Variants in TUT4 observed in about 807,000 individuals in gnomAD.
TUT4 encodes the protein terminal uridylyl transferase 4, also known as terminal uridylyltransferase 4.
A neutral mutation model predicts 192.2 loss-of-function variants in TUT4; 36 were observed. That is an observed-to-expected ratio of 0.19 (90% CI 0.14 to 0.25). The LOEUF (loss-of-function observed/expected upper bound fraction) is 0.25. Among genes scored for constraint, TUT4 ranks in the 10% least tolerant of loss-of-function variants. TUT4 has a pLI of 1.00. For missense variants in TUT4, 1,493 were observed against 1,957.2 expected (o/e 0.76, Z 4.47); for synonymous variants, 618 against 666.0 (o/e 0.93, Z 1.11).
rs1011776628 is a variant in TUT4 at position 52,463,286 on chromosome 1, T to C, written c.3070-1517A>G. 5 of 991,138 alleles carry C rather than the reference T, an allele frequency of 5.0e-6. No homozygotes were observed. The African/African-American group carries it at 8.7e-5, about 17-fold the overall frequency. The allele number at this position is 991,138 out of a possible 1,614,324, so 61.4% of individuals were successfully genotyped here. ...TTTCCTATTCCCTCAATTCTTACTC[T>C]TCAGAATGGAGAAGGGCAGCCACTT... On this transcript the variant is annotated intron_variant, in intron 16 of 29. Coordinates refer to ENST00000257177, the MANE Select transcript of TUT4 (RefSeq NM_001009881.3).
chr1:52,527,953 C>A (rs983508173), intron 1 of TUT4, among the ~76,000 whole-genome samples: 6 of 151,932 alleles, frequency 3.9e-5, no homozygotes, highest in Admixed American at 3.3e-4. Flanking sequence ...CCGAGGTGGG[C>A]AGATCACAAG....
rs1366055630 is a variant in TUT4 at position 52,481,547 on chromosome 1, C to A, written c.1724G>T (p.Ser575Ile). ...EKFVKWECNSSSATEKNSIAE... is the reference protein window; with the variant it reads ...EKFVKWECNSISATEKNSIAE... ...AATTGAGTTTTTCTCAGTTGCACTA[C>A]TTGAATTACATTCCCACTTCACAAA... Residue 575 changes from serine (S) to isoleucine (I), a missense_variant, in exon 11 of 30, where the codon AGT (serine) becomes ATT (isoleucine). By Grantham distance (142) the Ser-to-Ile change is moderately radical. Coordinates refer to ENST00000257177, the MANE Select transcript of TUT4 (RefSeq NM_001009881.3). The A allele has an allele frequency of 1.2e-6, 2 of 1,613,902 alleles. No homozygotes were observed. The highest frequency in any genetic ancestry group is 1.7e-6 in the Non-Finnish European group (2 of 1,179,968).
intron 25 of TUT4, 62 bp from the exon 26 acceptor site, chr1:52,437,040 C>T: frequency 1.3e-6 from 2 of 1,565,798 alleles, no homozygotes; most frequent in Non-Finnish European, 1.7e-6. Context: ...ACAAACTATG[C>T]AGGACTCTCA....
Position 52,423,836 on chromosome 1 carries a change from G to A in TUT4, c.*99C>T. ...CTTTCCATTAAATGTCACTTTTTCTGCTGAATGTAACTGACATTGAGGTAC... is the reference window on the plus strand; with the variant it reads ...CTTTCCATTAAATGTCACTTTTTCTACTGAATGTAACTGACATTGAGGTAC... On this transcript the variant is annotated 3_prime_UTR_variant, in exon 30 of 30. Transcript: ENST00000257177. 6.4e-7 allele frequency: 1 copy of A among 1,556,344 alleles called. No individual in the cohort carries two copies. Among genetic ancestry groups the A allele is most frequent in the East Asian group, 2.4e-5 (1 of 41,254 alleles).
intron 6 of TUT4, among the ~76,000 whole-genome samples, chr1:52,494,747 T>C (rs969109828): frequency 7.2e-5 from 11 of 152,146 alleles, no homozygotes; most frequent in Non-Finnish European, 1.5e-4. Flanking sequence ...AGTAAATGTA[T>C]CACCCTACAA....
At chr1:52,485,623 C>G (rs1669595320) in intron 9 of TUT4, among the ~76,000 whole-genome samples, 1 of 151,964 alleles carries the variant, frequency 6.6e-6, no homozygotes, top group Non-Finnish European at 1.5e-5. Flanking sequence ...ACTTCCATTT[C>G]TAGCTGACTT....
At chr1:52,488,806 A>G (rs1397592710) in intron 9 of TUT4, 103 bp downstream of exon 9, 4 of 1,215,204 alleles carry the variant, frequency 3.3e-6, no homozygotes, top group Non-Finnish European at 4.4e-6. Flanking sequence ...CCCACATGTT[A>G]TGATTGATGT....
intron 3 of TUT4, among the ~76,000 whole-genome samples, chr1:52,513,714 T>C (rs1472109044): frequency 6.6e-6 from 1 of 152,206 alleles, no homozygotes. Context: ...ACAACTGACC[T>C]TTCCTGCTTC....
chr1:52,548,684 T>C lies in TUT4; in HGVS notation c.-94+4247A>G, dbSNP rs182457618. Among the ~76,000 whole-genome samples the C allele has an allele frequency of 3.3e-3, 498 of 152,358 alleles. 7 individuals carry two copies. Among genetic ancestry groups the C allele is most frequent in the Non-Finnish European group, 5.7e-4 (39 of 68,028 alleles). ...AAATTAGCTCATAGTAACTATGCAA[T>C]AAGTTATCTATTATCATTGTAAATC... On this transcript the variant is annotated intron_variant, in intron 1 of 29. Coordinates refer to ENST00000257177, the MANE Select transcript of TUT4 (RefSeq NM_001009881.3).
intron 4 of TUT4, among the ~76,000 whole-genome samples, chr1:52,502,499 C>T (rs1472183811): frequency 6.6e-6 from 1 of 152,054 alleles, no homozygotes; most frequent in Non-Finnish European, 1.5e-5. Flanking sequence ...ATACTATCAC[C>T]TGTGCTCTGA....
At chr1:52,440,127 T>G (rs928193255) in intron 24 of TUT4, among the ~76,000 whole-genome samples, 2 of 152,206 alleles carry the variant, frequency 1.3e-5, no homozygotes, top group African/African-American at 4.8e-5. Context: ...AGAGACGGAA[T>G]GAGAACTGAC....
chr1:52,518,248 T>C (rs1679231668), intron 2 of TUT4, among the ~76,000 whole-genome samples: 1 of 152,248 alleles, frequency 6.6e-6, no homozygotes, highest in Non-Finnish European at 1.5e-5. Flanking sequence ...AATGGAATAT[T>C]ATTCAGGTGT....
chr1:52,436,400 C>A (rs1036528114), intron 26 of TUT4, among the ~76,000 whole-genome samples: 1 of 150,952 alleles, frequency 6.6e-6, no homozygotes, highest in African/African-American at 2.5e-5. Context: ...GCAGGAGAAT[C>A]GCTTGAACCC....
At chr1:52,492,106 A>G (rs1163336411) in intron 7 of TUT4, among the ~76,000 whole-genome samples, 1 of 152,212 alleles carries the variant, frequency 6.6e-6, no homozygotes, top group African/African-American at 2.4e-5. Flanking sequence ...GAAGAGGTAA[A>G]TGCTATGTCT....
intron 1 of TUT4, among the ~76,000 whole-genome samples, chr1:52,533,695 C>T (rs1684097741): frequency 6.6e-6 from 1 of 152,138 alleles, no homozygotes. Flanking sequence ...AGGCCAGGCA[C>T]AGTGGCTCAC....
Position 52,489,703 on chromosome 1 carries a change from G to GA in TUT4, c.1389-669dup, listed in dbSNP as rs368201436. ...ACAGGCAATTTAACACAATGTGGCA[G>GA]AAAAAACACTAAAGGTCACTTTGCC... On this transcript the variant is annotated intron_variant, in intron 8 of 29. Coordinates refer to ENST00000257177, the MANE Select transcript of TUT4 (RefSeq NM_001009881.3). Among the ~76,000 whole-genome samples the GA allele has an allele frequency of 3.3e-5, 5 of 152,202 alleles. No homozygotes were observed. The East Asian group carries it at 5.8e-4, about 18-fold the overall frequency.
At chr1:52,550,002 A>G (rs1689000070) in intron 1 of TUT4, among the ~76,000 whole-genome samples, 1 of 152,188 alleles carries the variant, frequency 6.6e-6, no homozygotes, top group African/African-American at 2.4e-5. Context: ...TTGCATTTAT[A>G]TACCCTTTCT....
At chr1:52,524,774 G>C (rs1681264308) in intron 2 of TUT4, among the ~76,000 whole-genome samples, 1 of 152,134 alleles carries the variant, frequency 6.6e-6, no homozygotes, top group South Asian at 2.1e-4. Context: ...CTGCACTCCA[G>C]CCTGGGCAAC....
intron 18 of TUT4, 66 bp from the exon 19 acceptor site, chr1:52,461,289 A>T: frequency 6.9e-7 from 1 of 1,456,570 alleles, no homozygotes; most frequent in Non-Finnish European, 9.4e-7. Flanking sequence ...AATCAGATTT[A>T]AAAGTAAAAT....
Sources: gnomAD v4.1 joint callset for allele counts (sites outside exome capture counted in the v4.1 genomes callset) on GRCh38, gnomAD v4.1.1 for gene constraint, MANE v1.5 for transcripts, NCBI Gene and HGNC (gene_info 2026-07-23, HGNC 2026-07-21) for gene names.